The following KAZN variants were observed in gnomAD, a reference collection of about 807,000 sequenced individuals.
KAZN encodes kazrin.
In KAZN, 40 loss-of-function variants were observed where a neutral mutation model predicts 87.4. That is an observed-to-expected ratio of 0.46 (90% CI 0.36 to 0.60). The LOEUF (loss-of-function observed/expected upper bound fraction) is 0.60. Ranked by LOEUF, KAZN falls within the 20% of genes least tolerant of loss-of-function variation. The probability of loss-of-function intolerance (pLI) is 0.00; values close to 1 mark genes in which losing one functional copy is unlikely to be tolerated. For synonymous variants in KAZN, 466 were observed against 458.3 expected (o/e 1.02, Z -0.22); for missense variants, 898 against 1,073.9 (o/e 0.84, Z 2.29).
At chr1:14,026,662 G>T (rs1641085621) in intron 1 of KAZN, among the ~76,000 whole-genome samples, 1 of 152,120 alleles carries the variant, frequency 6.6e-6, no homozygotes, top group Admixed American at 6.6e-5. Flanking sequence ...ATCTCCTGGG[G>T]ATTTTGTTAA....
chr1:15,040,643 G>A (rs72868371), intron 3 of KAZN, among the ~76,000 whole-genome samples: 4,292 of 152,198 alleles, frequency 0.028, 223 homozygotes, highest in African/African-American at 0.098. Flanking sequence ...TTGTCCGCCT[G>A]TAGTCCCAGC....
rs114695655 is a variant in KAZN, at chr1:14,361,273, C to A, written c.249+180681C>A. On this transcript the variant is annotated intron_variant, in intron 2 of 16. Coordinates refer to the KAZN transcript ENST00000636203. ...CTACTCAAGCCTCAGTAATGGCAGA[C>A]GCCTCTCCCCACACCAACCTCTAGC... Among the ~76,000 whole-genome samples, 534 of 152,302 alleles carry A rather than the reference C, an allele frequency of 3.5e-3. 2 individuals carry two copies. The highest frequency in any genetic ancestry group is 0.013 in the African/African-American group (525 of 41,552).
At chr1:14,026,721 G>A (rs56396335) in intron 1 of KAZN, among the ~76,000 whole-genome samples, 5,988 of 152,188 alleles carry the variant, frequency 0.039, 406 homozygotes, top group African/African-American at 0.14. Context: ...GAGACCCTGC[G>A]TTTCTAACAA....
chr1:14,478,262 GAAGGAAGGAAGA>G (rs199640559), intron 2 of KAZN, among the ~76,000 whole-genome samples: 3,366 of 146,742 alleles, frequency 0.023, 78 homozygotes, highest in East Asian at 0.081. Context: ...AGGAAGGAAG[GAAGGAAGGAAGA>G]AAGGAAGGAA....
At chr1:14,372,618 T>C (rs547162875) in intron 2 of KAZN, among the ~76,000 whole-genome samples, 1 of 152,322 alleles carries the variant, frequency 6.6e-6, no homozygotes, top group African/African-American at 2.4e-5. Context: ...AGATGATTAT[T>C]TATTGCTCTA....
intron 2 of KAZN, among the ~76,000 whole-genome samples, chr1:14,443,192 T>G (rs560430280): frequency 1.3e-5 from 2 of 152,348 alleles, no homozygotes; most frequent in East Asian, 3.9e-4. Context: ...TATTTTGTAT[T>G]GTTTTGTTTT....
chr1:14,335,227 G>A (rs1420071238), intron 2 of KAZN, among the ~76,000 whole-genome samples: 1 of 149,156 alleles, frequency 6.7e-6, no homozygotes, highest in Non-Finnish European at 1.5e-5. Flanking sequence ...TTTGGAGATG[G>A]AGTCTCGCTC....
At chr1:15,103,802 G>T (rs1641191607) in intron 12 of KAZN, among the ~76,000 whole-genome samples, 1 of 152,134 alleles carries the variant, frequency 6.6e-6, no homozygotes, top group Non-Finnish European at 1.5e-5. Context: ...AACAAATATT[G>T]ATGATTTCCT....
intron 1 of KAZN, among the ~76,000 whole-genome samples, chr1:14,158,140 C>A (rs983590457): frequency 6.6e-6 from 1 of 152,178 alleles, no homozygotes. Context: ...ATATTGATAT[C>A]TTTCCGTAGG....
chr1:14,216,807 G>C (rs1364830324), intron 2 of KAZN, among the ~76,000 whole-genome samples: 1 of 152,132 alleles, frequency 6.6e-6, no homozygotes, highest in African/African-American at 2.4e-5. Flanking sequence ...AGGAGGCTGA[G>C]GCTGGAGAAT....
intron 1 of KAZN, among the ~76,000 whole-genome samples, chr1:14,674,746 T>C (rs1272807430): frequency 1.3e-5 from 2 of 152,202 alleles, no homozygotes; most frequent in Non-Finnish European, 2.9e-5. Context: ...AATCATTTTA[T>C]CTCCAGATGT....
At chr1:15,028,348 A>C (rs1276652338) in intron 2 of KAZN, among the ~76,000 whole-genome samples, 3 of 152,194 alleles carry the variant, frequency 2.0e-5, no homozygotes, top group East Asian at 3.9e-4. Flanking sequence ...GGGTGAGGCC[A>C]GATGATTGGG....
intron 2 of KAZN, among the ~76,000 whole-genome samples, chr1:14,993,165 A>AT (rs1041472261): frequency 7.4e-6 from 1 of 134,958 alleles, no homozygotes; most frequent in African/African-American, 3.0e-5. Context: ...TACATAAGCA[A>AT]TTAAAAAAAA....
At chr1:14,865,446 C>A (rs1340606696) in intron 1 of KAZN, among the ~76,000 whole-genome samples, 3 of 152,176 alleles carry the variant, frequency 2.0e-5, no homozygotes, top group Admixed American at 6.5e-5. Flanking sequence ...TGCGCCCTGG[C>A]TTCTCCTGGT....
chr1:14,981,450 G>T (rs1000925793), intron 2 of KAZN, among the ~76,000 whole-genome samples: 1 of 152,366 alleles, frequency 6.6e-6, no homozygotes. Context: ...TACCCACTCT[G>T]TGTAGACAGA....
At chr1:14,709,126 C>T (rs1642361089) in intron 1 of KAZN, among the ~76,000 whole-genome samples, 1 of 152,134 alleles carries the variant, frequency 6.6e-6, no homozygotes, top group South Asian at 2.1e-4. Context: ...ATCCTCACCA[C>T]CACCCTAACG....
chr1:15,110,201 T>C (rs1641489806), intron 13 of KAZN, among the ~76,000 whole-genome samples: 1 of 150,200 alleles, frequency 6.7e-6, no homozygotes. Context: ...TGTGTGTATG[T>C]TTAGGTGGTG....
chr1:14,281,506 A>G (rs1300468061), intron 2 of KAZN, among the ~76,000 whole-genome samples: 1 of 152,150 alleles, frequency 6.6e-6, no homozygotes, highest in African/African-American at 2.4e-5. Flanking sequence ...TCCCACTCCA[A>G]GCTCACTGTT....
intron 1 of KAZN, among the ~76,000 whole-genome samples, chr1:14,790,055 T>A (rs1350337127): frequency 2.0e-5 from 3 of 152,012 alleles, no homozygotes; most frequent in East Asian, 3.9e-4. Flanking sequence ...CAGGCTGGAG[T>A]GCAATGGCGC....
Sources: gnomAD v4.1 joint callset for allele counts (sites outside exome capture counted in the v4.1 genomes callset) on GRCh38, gnomAD v4.1.1 for gene constraint, MANE v1.5 for transcripts, NCBI Gene and HGNC (gene_info 2026-07-23, HGNC 2026-07-21) for gene names.